CAMK2D: variants seen among roughly 807,000 people sequenced by gnomAD.
The protein encoded by CAMK2D is calcium/calmodulin dependent protein kinase II delta.
A neutral mutation model predicts 84.0 loss-of-function variants in CAMK2D; 37 were observed. The observed-to-expected ratio is 0.44, with a 90% CI of 0.34 to 0.58. The LOEUF is 0.58. Among genes scored for constraint, CAMK2D ranks in the 20% least tolerant of loss-of-function variants. The pLI is 0.02. For synonymous variants in CAMK2D, 202 were observed against 212.5 expected, an observed-to-expected ratio of 0.95 and a Z score of 0.43; for missense variants, 448 against 652.5, an observed-to-expected ratio of 0.69 and a Z score of 3.41.
chr4:113,724,978 AT>A (rs1358667218), intron 2 of CAMK2D, among the ~76,000 whole-genome samples: 3 of 151,740 alleles, frequency 2.0e-5, no homozygotes, highest in African/African-American at 7.3e-5. Flanking sequence ...TTTTTCATTC[AT>A]TTTACTTTAT....
chr4:113,654,975 G>A (rs2099192410), intron 3 of CAMK2D, among the ~76,000 whole-genome samples: 1 of 151,856 alleles, frequency 6.6e-6, no homozygotes, highest in African/African-American at 2.4e-5. Flanking sequence ...ACTACTAAAT[G>A]CTAAGAAATG....
At chr4:113,497,572 A>T (rs948799798) in intron 16 of CAMK2D, among the ~76,000 whole-genome samples, 11 of 152,222 alleles carry the variant, frequency 7.2e-5, no homozygotes, top group African/African-American at 2.7e-4. Flanking sequence ...CAAAGACGCC[A>T]GAAAGAAAAA....
chr4:113,642,538 C>T (rs2099136338), intron 3 of CAMK2D, among the ~76,000 whole-genome samples: 1 of 152,174 alleles, frequency 6.6e-6, no homozygotes, highest in South Asian at 2.1e-4. Flanking sequence ...CATGCTAAGG[C>T]TGAATTAAAC....
chr4:113,458,945 G>C (rs1589647804), intron 18 of CAMK2D, among the ~76,000 whole-genome samples: 1 of 152,286 alleles, frequency 6.6e-6, no homozygotes, highest in South Asian at 2.1e-4. Flanking sequence ...AGGAAAAAGA[G>C]AAGGATAAAG....
intron 4 of CAMK2D, among the ~76,000 whole-genome samples, chr4:113,582,244 C>G (rs912359169): frequency 2.0e-5 from 3 of 152,042 alleles, no homozygotes; most frequent in Admixed American, 6.6e-5. Context: ...ATAGGGTGTG[C>G]GTAGGATTTA....
chr4:113,705,500 T>C lies in CAMK2D; in HGVS notation c.161-43728A>G, dbSNP rs563871711. ...GGCCTTTGCATTTGCTTTTAAAAGG[T>C]AGCCAGTATCTGGCCTTCAAGAAGG... On this transcript the variant is annotated intron_variant, in intron 2 of 20. Coordinates refer to ENST00000511664, the MANE Select transcript of CAMK2D (RefSeq NM_001321571.2). Among the ~76,000 whole-genome samples, 109 of 152,248 alleles carry C rather than the reference T, an allele frequency of 7.2e-4. 1 individual carries two copies. Among genetic ancestry groups the C allele is most frequent in the African/African-American group, 2.3e-3 (96 of 41,550 alleles).
intron 5 of CAMK2D, among the ~76,000 whole-genome samples, chr4:113,548,291 G>A (rs576312501): frequency 1.3e-5 from 2 of 152,316 alleles, no homozygotes; most frequent in Non-Finnish European, 2.9e-5. Context: ...GCAACCCATG[G>A]TCTCAGAACA....
chr4:113,511,472 T>C (rs1399565335), intron 12 of CAMK2D, among the ~76,000 whole-genome samples: 3 of 152,072 alleles, frequency 2.0e-5, no homozygotes, highest in Admixed American at 2.0e-4. Flanking sequence ...TGCCCAAGAG[T>C]GTATTTAACA....
chr4:113,482,690 A>G (rs923456130), intron 16 of CAMK2D, among the ~76,000 whole-genome samples: 3 of 152,244 alleles, frequency 2.0e-5, no homozygotes, highest in Non-Finnish European at 4.4e-5. Flanking sequence ...AGAAAACACA[A>G]TTGAGTAGTT....
At chr4:113,692,693 CAT>C (rs904029946) in intron 2 of CAMK2D, among the ~76,000 whole-genome samples, 1 of 151,786 alleles carries the variant, frequency 6.6e-6, no homozygotes, top group African/African-American at 2.4e-5. Context: ...TACATACATA[CAT>C]ATATTCATAC....
At chr4:113,754,283 T>C in intron 2 of CAMK2D, 1 of 977,008 alleles carries the variant, frequency 1.0e-6, no homozygotes, top group African/African-American at 1.8e-5. Flanking sequence ...TGTTAAAAAA[T>C]ATACCAATCC....
intron 3 of CAMK2D, among the ~76,000 whole-genome samples, chr4:113,621,252 T>C (rs750167135): frequency 2.6e-5 from 4 of 152,208 alleles, no homozygotes; most frequent in Admixed American, 2.6e-4. Flanking sequence ...TATATCTTCA[T>C]ACTTGGTCTG....
At chr4:113,691,472 C>T (rs777761646) in intron 2 of CAMK2D, among the ~76,000 whole-genome samples, 2 of 152,036 alleles carry the variant, frequency 1.3e-5, no homozygotes, top group Non-Finnish European at 2.9e-5. Flanking sequence ...GCAAATGGGT[C>T]AGGGGCACAG....
chr4:113,563,414 A>T (rs747634551), intron 4 of CAMK2D, among the ~76,000 whole-genome samples: 1 of 151,926 alleles, frequency 6.6e-6, no homozygotes, highest in Non-Finnish European at 1.5e-5. Context: ...TCTTTCATTG[A>T]GAGCTTTCTT....
intron 8 of CAMK2D, among the ~76,000 whole-genome samples, chr4:113,526,413 G>GAT (rs565093259): frequency 0.073 from 1,651 of 22,620 alleles, 22 homozygotes; most frequent in African/African-American, 0.21. Context: ...AGTCATTCTT[G>GAT]ATGTGTGTGT....
intron 3 of CAMK2D, among the ~76,000 whole-genome samples, chr4:113,645,312 G>A (rs753078148): frequency 6.6e-5 from 10 of 152,120 alleles, no homozygotes; most frequent in South Asian, 2.1e-4. Flanking sequence ...CACCATGCCC[G>A]GCCTGAATGT....
chr4:113,617,940 C>T (rs1306070957), intron 3 of CAMK2D, among the ~76,000 whole-genome samples: 3 of 131,420 alleles, frequency 2.3e-5, no homozygotes, highest in Admixed American at 7.6e-5. Context: ...CACACAGACA[C>T]ACACACATAT....
chr4:113,758,381 AATG>A (rs1304596662), intron 2 of CAMK2D, among the ~76,000 whole-genome samples: 1 of 152,190 alleles, frequency 6.6e-6, no homozygotes, highest in Non-Finnish European at 1.5e-5. Flanking sequence ...GACCGAAAGC[AATG>A]ATGCCAGGAT....
intron 7 of CAMK2D, among the ~76,000 whole-genome samples, chr4:113,531,949 A>G (rs969845950): frequency 6.6e-6 from 1 of 152,214 alleles, no homozygotes; most frequent in African/African-American, 2.4e-5. Flanking sequence ...TGAAAATAAC[A>G]GTTTTTTAAA....
Sources: allele counts gnomAD v4.1 joint callset (sites outside exome capture counted in the v4.1 genomes callset), GRCh38; gene constraint gnomAD v4.1.1; transcripts MANE v1.5; gene names NCBI Gene and HGNC (gene_info 2026-07-23, HGNC 2026-07-21).